EHMT1: variants seen among roughly 807,000 people sequenced by gnomAD.
The protein encoded by EHMT1 is histone-lysine N-methyltransferase EHMT1.
A neutral mutation model predicts 147.2 loss-of-function variants in EHMT1; 15 were observed. That is an observed-to-expected ratio of 0.10 (90% CI 0.07 to 0.16). The LOEUF (loss-of-function observed/expected upper bound fraction) is 0.16. Among genes scored for constraint, EHMT1 ranks in the 10% least tolerant of loss-of-function variants. The pLI, the probability that EHMT1 is intolerant of heterozygous loss-of-function variation, is 1.00. For missense variants in EHMT1, 1,587 were observed against 1,772.4 expected (o/e 0.90, Z 1.88); for synonymous variants, 795 against 709.6 (o/e 1.12, Z -1.91).
rs374688564 is a variant in EHMT1, at chr9:137,782,410, G to A, written c.2382+13G>A. On this transcript the variant is annotated intron_variant, in intron 15 of 26. Transcript: ENST00000460843. The surrounding 1 kb of genome is among the most constrained non-coding windows in gnomAD (Gnocchi z 5.7). Reference sequence around the variant, plus strand: ...CATGCTGGTTCAGGTGCGGCGGCACGGCGCCCTCCTAGGGCTCTTCACCTG... The same window carrying A: ...CATGCTGGTTCAGGTGCGGCGGCACAGCGCCCTCCTAGGGCTCTTCACCTG... 57 of 1,600,046 alleles carry A rather than the reference G, an allele frequency of 3.6e-5. No homozygotes were observed. The highest frequency in any genetic ancestry group is 1.1e-4 in the East Asian group (5 of 44,388).
intron 1 of EHMT1, among the ~76,000 whole-genome samples, chr9:137,710,388 G>A (rs1306674426): frequency 6.6e-6 from 1 of 152,128 alleles, no homozygotes; most frequent in African/African-American, 2.4e-5. Flanking sequence ...CCTGAGAATC[G>A]CTTGAACTGT....
At chr9:137,761,854 C>T (rs574215620) in intron 9 of EHMT1, among the ~76,000 whole-genome samples, 33 of 152,234 alleles carry the variant, frequency 2.2e-4, no homozygotes, top group Non-Finnish European at 3.5e-4. Flanking sequence ...AAAAAGAAAA[C>T]GTGAAATGCG....
At chr9:137,834,655 C>G (rs1015461018) in intron 26 of EHMT1, 118 bp from the exon 27 acceptor site, 607 of 1,595,578 alleles carry the variant, frequency 3.8e-4, no homozygotes, top group Non-Finnish European at 4.9e-4. Context: ...AAAACTGCGA[C>G]CTGGGATGCG....
chr9:137,619,224 GCCGCCGGGCGTCCGGCCCGCGCTC>G (rs1226899396), intron 1 of EHMT1, among the ~76,000 whole-genome samples, 175 bp downstream of exon 1: 1 of 142,460 alleles, frequency 7.0e-6, no homozygotes, highest in South Asian at 2.2e-4. Context: ...CCGGGCCGAG[GCCGCCGGGCGTCCGGCCCGCGCTC>G]CCGCCGGGCG....
intron 16 of EHMT1, among the ~76,000 whole-genome samples, chr9:137,796,867 TG>T (rs1216820833): frequency 7.2e-6 from 1 of 138,352 alleles, no homozygotes; most frequent in African/African-American, 2.7e-5. Context: ...ACGTAACAGG[TG>T]GAAAAGACTG....
rs570896233 is a variant in EHMT1, at chr9:137,671,541, T to C, written c.22-39426T>C. On this transcript the variant is annotated intron_variant, in intron 1 of 26. Coordinates refer to ENST00000460843, the MANE Select transcript of EHMT1 (RefSeq NM_024757.5). ...CTTTCTTTTTTTTTTTTTTTTTTTT[T>C]CGAGACAGAGTTTCGCTCTGTCTTC... 1.0e-3 allele frequency among the ~76,000 whole-genome samples: 152 copies of C among 149,060 alleles called. 2 individuals carry two copies. In the South Asian group the frequency reaches 0.011, roughly 11 times the overall value.
chr9:137,633,976 C>G (rs1192112969), intron 1 of EHMT1, among the ~76,000 whole-genome samples: 1 of 152,116 alleles, frequency 6.6e-6, no homozygotes. Context: ...AGCACGCCGG[C>G]TTATTTTTGT....
At chr9:137,690,385 T>A (rs996937737) in intron 1 of EHMT1, among the ~76,000 whole-genome samples, 21 of 151,914 alleles carry the variant, frequency 1.4e-4, no homozygotes, top group Non-Finnish European at 7.4e-5. Flanking sequence ...CGGCTCATGC[T>A]GTCATCCCAG....
At chr9:137,652,951 C>T (rs1010322037) in intron 1 of EHMT1, among the ~76,000 whole-genome samples, 2 of 151,890 alleles carry the variant, frequency 1.3e-5, no homozygotes, top group African/African-American at 4.8e-5. Flanking sequence ...TGGTCTTGAA[C>T]TCCTGACCTC....
At chr9:137,808,152 G>C (rs1012993138) in intron 18 of EHMT1, among the ~76,000 whole-genome samples, 9 of 152,194 alleles carry the variant, frequency 5.9e-5, no homozygotes, top group African/African-American at 2.2e-4. Context: ...TGGAGAGTGT[G>C]GCCTGCCTGG....
intron 1 of EHMT1, among the ~76,000 whole-genome samples, chr9:137,645,866 CTT>C (rs1323013486): frequency 2.6e-5 from 4 of 151,940 alleles, no homozygotes; most frequent in East Asian, 1.9e-4. Context: ...AGTTCACACT[CTT>C]TTGGTACTAA....
chr9:137,778,797 T>C (rs7857087), intron 13 of EHMT1, among the ~76,000 whole-genome samples: 7,452 of 152,198 alleles, frequency 0.049, 605 homozygotes, highest in African/African-American at 0.17. Flanking sequence ...ATGATTTATA[T>C]AGAAAAGAGG....
chr9:137,715,568 T>G (rs984177895), intron 2 of EHMT1: 72 of 985,320 alleles, frequency 7.3e-5, no homozygotes, highest in Non-Finnish European at 8.3e-5. Flanking sequence ...CATCTCAGGC[T>G]TGACTGAGCT....
At chr9:137,736,860 C>T (rs1301560132) in intron 4 of EHMT1, among the ~76,000 whole-genome samples, 1 of 151,874 alleles carries the variant, frequency 6.6e-6, no homozygotes, top group Non-Finnish European at 1.5e-5. Flanking sequence ...CACTGCACTC[C>T]AGCCTGGGTG....
At chr9:137,770,308 C>T (rs1950510940) in intron 10 of EHMT1, among the ~76,000 whole-genome samples, 1 of 152,116 alleles carries the variant, frequency 6.6e-6, no homozygotes, top group African/African-American at 2.4e-5. Flanking sequence ...CCAGTTCTTC[C>T]TTGTTGAGTA....
chr9:137,630,931 A>C (rs1238176254), intron 1 of EHMT1, among the ~76,000 whole-genome samples: 5 of 152,134 alleles, frequency 3.3e-5, no homozygotes, highest in Non-Finnish European at 7.3e-5. Context: ...TGAAGATTTT[A>C]GGCATGGAAT....
chr9:137,754,100 C>CTT (rs2136217457), intron 7 of EHMT1, 71 bp from the exon 8 acceptor site: 2 of 1,609,734 alleles, frequency 1.2e-6, no homozygotes, highest in Middle Eastern at 1.7e-4. Flanking sequence ...CAAGAAAACA[C>CTT]TTGTAGTGCT....
intron 25 of EHMT1, among the ~76,000 whole-genome samples, chr9:137,823,659 C>T (rs1231810467): frequency 4.0e-5 from 6 of 150,784 alleles, no homozygotes; most frequent in African/African-American, 1.5e-4. Context: ...GATCCGCCCG[C>T]CTCGGCCTCT....
intron 13 of EHMT1, 121 bp downstream of exon 13, chr9:137,778,176 A>G: frequency 7.9e-7 from 1 of 1,270,050 alleles, no homozygotes; most frequent in South Asian, 1.3e-5. Context: ...GTTCGTTAGA[A>G]TAATTCGTAT....
Sources: gnomAD v4.1 joint callset for allele counts (sites outside exome capture counted in the v4.1 genomes callset) on GRCh38, gnomAD v4.1.1 for gene constraint, Gnocchi (gnomAD v3.1) non-coding constraint, MANE v1.5 for transcripts, NCBI Gene and HGNC (gene_info 2026-07-23, HGNC 2026-07-21) for gene names.